The following THRA variants were observed in gnomAD, a reference collection of about 807,000 sequenced individuals.
THRA encodes the protein EAR-7.
THRA carries 13 observed loss-of-function variants against 45.0 expected under a neutral mutation model. The observed-to-expected ratio is 0.29, with a 90% CI of 0.19 to 0.46. The LOEUF (loss-of-function observed/expected upper bound fraction) is 0.46, where lower values mean the gene tolerates loss of function less well. THRA is among the 20% of genes least tolerant of loss of function. The pLI is 1.00. For synonymous variants in THRA, 195 were observed against 214.0 expected (o/e 0.91, Z 0.78); for missense variants, 278 against 556.1 (o/e 0.50, Z 5.03).
intron 6 of THRA, 83 bp from the exon 7 acceptor site, chr17:40,086,624 G>T: frequency 6.5e-7 from 1 of 1,545,170 alleles, no homozygotes; most frequent in South Asian, 1.2e-5. Context: ...AGCTGCCTTG[G>T]AGCTCCCCCT....
intron 7 of THRA, 140 bp downstream of exon 7, chr17:40,086,993 G>GAC (rs146605509): frequency 2.4e-4 from 247 of 1,046,462 alleles, no homozygotes; most frequent in African/African-American, 6.9e-4. Context: ...AACATACACA[G>GAC]ACACACACAC....
chr17:40,093,362 G>A (rs1987663928), downstream of THRA: 1 of 1,611,938 alleles, frequency 6.2e-7, no homozygotes, highest in South Asian at 1.1e-5. The surrounding 1 kb of genome is among the most constrained non-coding windows in gnomAD (Gnocchi z 5.9). Context: ...GGACCTGGCA[G>A]GCAATGCAGC....
chr17:40,070,462 G>A (rs1986735149), intron 1 of THRA, among the ~76,000 whole-genome samples: 1 of 152,188 alleles, frequency 6.6e-6, no homozygotes, highest in Admixed American at 6.5e-5. Flanking sequence ...ACATGTCGCT[G>A]CTGCAGCACT....
chr17:40,077,302 A>G (rs917677427), intron 3 of THRA, among the ~76,000 whole-genome samples: 4 of 152,184 alleles, frequency 2.6e-5, no homozygotes, highest in Admixed American at 6.5e-5. Flanking sequence ...AAAGCCCTGA[A>G]TGGGCAGTCA....
chr17:40,070,016 C>A (rs1162809528), intron 1 of THRA, among the ~76,000 whole-genome samples: 1 of 151,616 alleles, frequency 6.6e-6, no homozygotes, highest in African/African-American at 2.4e-5. Context: ...CTGTTATATT[C>A]TTTTGGGGCG....
chr17:40,078,756 G>T (rs74964990), intron 4 of THRA, among the ~76,000 whole-genome samples: 239 of 137,492 alleles, frequency 1.7e-3, no homozygotes, highest in African/African-American at 6.0e-3. Context: ...TTTTGAGATG[G>T]CATCTCGCTC....
rs1465029102 is a variant in THRA at position 40,092,932 on chromosome 17, A to G, written c.*3476A>G. ...GGGAGGGAGGCAGGTATTTACAAGA[A>G]GGCTCAGGGGGCCAGAGGCTCATCT... is the stretch of plus-strand genomic sequence containing the variant. On this transcript the variant is annotated 3_prime_UTR_variant, in exon 9 of 9. Transcript: ENST00000450525. 4.0e-6 allele frequency: 6 copies of G among 1,513,278 alleles called. No individual in the cohort carries two copies. In the African/African-American group the frequency reaches 8.4e-5, roughly 21 times the overall value. The allele number at this position is 1,513,278 out of a possible 1,614,324, so 93.7% of individuals were successfully genotyped here. A position where few individuals can be genotyped will look rare whatever the true frequency, so the allele number is the denominator to read the frequency against.
intron 4 of THRA, among the ~76,000 whole-genome samples, chr17:40,079,340 G>A (rs1467933630): frequency 2.0e-5 from 3 of 151,992 alleles, no homozygotes; most frequent in African/African-American, 4.8e-5. Context: ...TCCACCTCTC[G>A]GGTTCAAGCA....
intron 1 of THRA, among the ~76,000 whole-genome samples, chr17:40,066,953 CTG>C (rs141197510): frequency 0.013 from 1,968 of 152,258 alleles, 43 homozygotes; most frequent in African/African-American, 0.044. Context: ...TCATAACAAA[CTG>C]TATATGTGAG....
intron 4 of THRA, 49 bp downstream of exon 4, chr17:40,077,657 T>C: frequency 1.3e-6 from 2 of 1,491,288 alleles, no homozygotes; most frequent in African/African-American, 2.8e-5. Flanking sequence ...GCCCCCATAT[T>C]ACTCCCTATG....
At chr17:40,088,750 G>A (rs1240043414) in intron 8 of THRA, among the ~76,000 whole-genome samples, 1 of 151,480 alleles carries the variant, frequency 6.6e-6, no homozygotes, top group Admixed American at 6.6e-5. Flanking sequence ...TCGCTGCCCT[G>A]TCCCTCTGTC....
rs573523975 is a variant in THRA at position 40,091,337 on chromosome 17, A to G, written c.*1881A>G. 65 of 152,888 alleles carry G rather than the reference A, an allele frequency of 4.3e-4. 1 individual carries two copies. The highest frequency in any genetic ancestry group is 7.3e-4 in the Non-Finnish European group (50 of 68,648). The allele number at this position is 152,888 out of a possible 1,614,324, so 9.5% of individuals were successfully genotyped here. The stretch of plus-strand genomic sequence containing the variant: ...CCCGTCAGGGCACTGTCCTTCCCCA[A>G]TCGTTCAGGTGTTCCAACAGGGGTG... On this transcript the variant is annotated 3_prime_UTR_variant, in exon 9 of 9. Transcript: ENST00000450525.
chr17:40,083,387 A>G (rs753235798), intron 4 of THRA, among the ~76,000 whole-genome samples: 1 of 151,752 alleles, frequency 6.6e-6, no homozygotes, highest in African/African-American at 2.4e-5. Flanking sequence ...CTAATTTTCT[A>G]TTTTTAGTAG....
In THRA at chr17:40,083,827, C is replaced by G. The variant is rs78020205; in HGVS notation, c.223-8C>G. The stretch of plus-strand genomic sequence containing the variant: ...TGATCACAGCCTGCTCCATCTCCCC[C>G]ACCCCAGGGCTTCTTTCGCCGCACA... On this transcript the variant is annotated splice_polypyrimidine_tract_variant and splice_region_variant and intron_variant, in intron 4 of 8. Transcript: ENST00000450525. The G allele has an allele frequency of 3.1e-5, 49 of 1,592,466 alleles. 1 individual carries two copies. The highest frequency in any genetic ancestry group is 4.0e-5 in the African/African-American group (3 of 74,326).
chr17:40,081,823 C>T (rs1489295841), intron 4 of THRA, among the ~76,000 whole-genome samples: 2 of 151,718 alleles, frequency 1.3e-5, no homozygotes, highest in East Asian at 3.9e-4. Context: ...ATTAGCCGGG[C>T]GTAATGGTGG....
In THRA at chr17:40,089,104, A is replaced by G. The variant is rs916953408; in HGVS notation, c.983-102A>G. 1.8e-5 allele frequency: 20 copies of G among 1,120,088 alleles called. No individual in the cohort carries two copies. In the African/African-American group the frequency reaches 3.1e-4, roughly 17 times the overall value. The allele number at this position is 1,120,088 out of a possible 1,614,324, so 69.4% of individuals were successfully genotyped here. On this transcript the variant is annotated intron_variant, in intron 8 of 8. Transcript: ENST00000450525. The surrounding 1 kb of genome is among the most constrained non-coding windows in gnomAD (Gnocchi z 6.1). ...CCCCTCCCCCAGCCTCTCTGCCTCTATCTCCCCTCTAGTCCTTTCTTCCCA... is the reference window on the plus strand; with the variant it reads ...CCCCTCCCCCAGCCTCTCTGCCTCTGTCTCCCCTCTAGTCCTTTCTTCCCA...
Position 40,076,877 on chromosome 17 carries a change from G to A in THRA, c.60G>A (p.Arg20=). The stretch of plus-strand genomic sequence containing the variant: ...CCACTTTGCCTCCATCCAGTGCCAG[G>A]TCACCAGATGGAAAGCGAAAAAGAA... ...CGSDPEENSA[R]SPDGKRKRKN... The change falls in exon 3 of 9, where the codon AGG becomes AGA. Residue 20 remains arginine, a synonymous_variant. Coordinates refer to ENST00000450525, the MANE Select transcript of THRA (RefSeq NM_199334.5). 1 of 1,614,128 alleles carries A rather than the reference G, an allele frequency of 6.2e-7. No homozygotes were observed. Among genetic ancestry groups the A allele is most frequent in the Non-Finnish European group, 8.5e-7 (1 of 1,180,004 alleles).
At chr17:40,065,143 C>T (rs1986509152) in intron 1 of THRA, among the ~76,000 whole-genome samples, 1 of 151,766 alleles carries the variant, frequency 6.6e-6, no homozygotes, top group Non-Finnish European at 1.5e-5. Context: ...GGGCTCAAAG[C>T]AGTGTCCAGT....
rs1339532915 is a variant in THRA, at chr17:40,088,315, G to A, written c.797G>A (p.Arg266His). The change falls in exon 8 of 9, where the codon CGC becomes CAC. Residue 266 changes from arginine to histidine, a missense_variant. Coordinates refer to ENST00000450525, the MANE Select transcript of THRA (RefSeq NM_199334.5). Reference sequence around the variant, plus strand: ...ATCATGTCCCTGCGGGCGGCTGTCCGCTACGACCCTGAGAGCGACACCCTG... The same window carrying A: ...ATCATGTCCCTGCGGGCGGCTGTCCACTACGACCCTGAGAGCGACACCCTG... ...MEIMSLRAAV[R>H]YDPESDTLTL... The A allele has an allele frequency of 9.3e-6, 15 of 1,613,484 alleles. No homozygotes were observed. The highest frequency in any genetic ancestry group is 3.3e-5 in the Admixed American group (2 of 59,970).
Sources: gnomAD v4.1 joint callset for allele counts (sites outside exome capture counted in the v4.1 genomes callset) on GRCh38, gnomAD v4.1.1 for gene constraint, Gnocchi (gnomAD v3.1) non-coding constraint, MANE v1.5 for transcripts, NCBI Gene and HGNC (gene_info 2026-07-23, HGNC 2026-07-21) for gene names.